The following TMEM163 variants were observed in gnomAD, a reference collection of about 807,000 sequenced individuals.
TMEM163 encodes the protein transmembrane protein 163.
Under a neutral mutation model 29.3 loss-of-function variants are expected in TMEM163, and 17 were observed. The ratio of observed to expected loss-of-function variants is 0.58; its 90% CI spans 0.40 to 0.87. The LOEUF (loss-of-function observed/expected upper bound fraction) is 0.87. Ranked by LOEUF, TMEM163 falls within the 40% of genes least tolerant of loss-of-function variation. The probability of loss-of-function intolerance (pLI) is 0.00; values close to 1 mark genes in which losing one functional copy is unlikely to be tolerated. For synonymous variants in TMEM163, 157 were observed against 160.6 expected (o/e 0.98, Z 0.17); for missense variants, 303 against 381.5 (o/e 0.79, Z 1.71).
intron 5 of TMEM163, among the ~76,000 whole-genome samples, chr2:134,472,277 C>T (rs769662624): frequency 2.6e-5 from 4 of 152,052 alleles, no homozygotes; most frequent in South Asian, 2.1e-4. Flanking sequence ...AATCTCCTTA[C>T]TATAGAAAGG....
In TMEM163 at chr2:134,669,834, TG is replaced by T. The variant is rs528590582; in HGVS notation, c.322+43365del. On this transcript the variant is annotated intron_variant, in intron 2 of 7. Transcript: ENST00000281924. ...AGGCCACCATGCTAGAGGGATGAGG[TG>T]GAAAGACTACGAGAAGAGAGATGGA... 1.6e-4 allele frequency among the ~76,000 whole-genome samples: 25 copies of T among 152,084 alleles called. No homozygotes were observed. The South Asian group carries it at 5.2e-3, about 32-fold the overall frequency.
In TMEM163 at chr2:134,656,082, C is replaced by T. The variant is rs1039916616; in HGVS notation, c.322+57118G>A. On this transcript the variant is annotated intron_variant, in intron 2 of 7. Coordinates refer to ENST00000281924, the MANE Select transcript of TMEM163 (RefSeq NM_030923.5). ...GAGCTGTGGTGGGCTCCACCCAGTT[C>T]GAGCTTCCTGGCTGCTTTGTTTACC... is the stretch of plus-strand genomic sequence containing the variant. 6.9e-5 allele frequency among the ~76,000 whole-genome samples: 10 copies of T among 143,956 alleles called. 2 individuals are homozygous for T. The highest frequency in any genetic ancestry group is 1.4e-4 in the Admixed American group (2 of 14,706). The allele number at this position is 143,956 out of a possible 152,430, so 94.4% of individuals were successfully genotyped here. A position where few individuals can be genotyped will look rare whatever the true frequency, so the allele number is the denominator to read the frequency against.
chr2:134,548,712 A>G (rs1680842764), intron 4 of TMEM163, among the ~76,000 whole-genome samples: 1 of 152,216 alleles, frequency 6.6e-6, no homozygotes, highest in Non-Finnish European at 1.5e-5. Flanking sequence ...CTGCATATAC[A>G]TAATGAGATA....
rs199574199 is a variant in TMEM163, at chr2:134,519,723, GA to G, written c.459-16727del. On this transcript the variant is annotated intron_variant, in intron 4 of 7. Coordinates refer to ENST00000281924, the MANE Select transcript of TMEM163 (RefSeq NM_030923.5). ...TGAGATTCCGTGTCAAAAATTTAAA[GA>G]AAAAAAAAATACAAAAATCCACCAG... Among the ~76,000 whole-genome samples, 81 of 144,898 alleles carry G rather than the reference GA, an allele frequency of 5.6e-4. 1 individual carries two copies. In the South Asian group the frequency reaches 0.011, roughly 19 times the overall value.
At chr2:134,624,199 A>G (rs1405176671) in intron 2 of TMEM163, among the ~76,000 whole-genome samples, 1 of 152,248 alleles carries the variant, frequency 6.6e-6, no homozygotes, top group Non-Finnish European at 1.5e-5. Context: ...GTGTTCTGCT[A>G]ATATGAAGGA....
chr2:134,531,261 A>T (rs931831417), intron 4 of TMEM163, among the ~76,000 whole-genome samples: 1 of 152,172 alleles, frequency 6.6e-6, no homozygotes, highest in African/African-American at 2.4e-5. Context: ...CAAACTCAAG[A>T]TATTTTTCTC....
At chr2:134,671,846 C>A (rs1192233316) in intron 2 of TMEM163, among the ~76,000 whole-genome samples, 1 of 152,216 alleles carries the variant, frequency 6.6e-6, no homozygotes, top group African/African-American at 2.4e-5. Context: ...AACTTCTCAA[C>A]CTCTCTGGAA....
At chr2:134,639,879 T>C (rs1683188991) in intron 2 of TMEM163, among the ~76,000 whole-genome samples, 1 of 152,238 alleles carries the variant, frequency 6.6e-6, no homozygotes, top group East Asian at 1.9e-4. Flanking sequence ...GTCAGGTCAG[T>C]AATAGCATTA....
chr2:134,656,392 T>C (rs182483495), intron 2 of TMEM163, among the ~76,000 whole-genome samples: 2,532 of 151,324 alleles, frequency 0.017, 105 homozygotes, highest in East Asian at 0.13. Context: ...GGCAATGCCT[T>C]GCCCTGCTTC....
chr2:134,542,363 C>T (rs2106503910), intron 4 of TMEM163, among the ~76,000 whole-genome samples: 1 of 152,268 alleles, frequency 6.6e-6, no homozygotes, highest in African/African-American at 2.4e-5. Context: ...AGGTAAGCAG[C>T]AGAGTGGAGC....
At chr2:134,567,575 C>T (rs1333711747) in intron 2 of TMEM163, among the ~76,000 whole-genome samples, 1 of 152,074 alleles carries the variant, frequency 6.6e-6, no homozygotes, top group Non-Finnish European at 1.5e-5. Flanking sequence ...CCTGTAATCC[C>T]AGCTACTCAG....
intron 2 of TMEM163, among the ~76,000 whole-genome samples, chr2:134,702,476 C>G (rs1684724275): frequency 6.6e-6 from 1 of 152,000 alleles, no homozygotes; most frequent in South Asian, 2.1e-4. Context: ...GAAACCGTGT[C>G]TCTACAAAAA....
At chr2:134,678,513 C>A (rs1684166646) in intron 2 of TMEM163, among the ~76,000 whole-genome samples, 1 of 152,194 alleles carries the variant, frequency 6.6e-6, no homozygotes, top group South Asian at 2.1e-4. Flanking sequence ...CATATAAATC[C>A]TCCCACCAGG....
At chr2:134,660,945 C>T (rs143065081) in intron 2 of TMEM163, among the ~76,000 whole-genome samples, 45 of 152,320 alleles carry the variant, frequency 3.0e-4, no homozygotes, top group African/African-American at 1.1e-3. Flanking sequence ...AAGACTTGAT[C>T]TCCAATGAGA....
At chr2:134,656,544 G>T (rs569291007) in intron 2 of TMEM163, among the ~76,000 whole-genome samples, 1 of 152,320 alleles carries the variant, frequency 6.6e-6, no homozygotes, top group Non-Finnish European at 1.5e-5. Context: ...GACCGGAGCT[G>T]TTCCTATTCG....
rs143517617 is a variant in TMEM163, at chr2:134,561,606, C to T, written c.323-9515G>A. 3.5e-3 allele frequency among the ~76,000 whole-genome samples: 540 copies of T among 152,296 alleles called. 3 individuals carry two copies. Among genetic ancestry groups the T allele is most frequent in the African/African-American group, 0.013 (520 of 41,566 alleles). ...CCTCGCGATCCGCCTGACTTGGCCT[C>T]CCAAAGTGAGCAGCAAGGTTCTTGC... On this transcript the variant is annotated intron_variant, in intron 2 of 7. Transcript: ENST00000281924.
At position 134,664,592 on chromosome 2, in the gene TMEM163, C is replaced by T. The variant is rs183549461; in HGVS notation, c.322+48608G>A. Among the ~76,000 whole-genome samples the T allele has an allele frequency of 2.6e-5, 4 of 152,254 alleles. No individual in the cohort carries two copies. The East Asian group carries it at 7.7e-4, about 29-fold the overall frequency. On this transcript the variant is annotated intron_variant, in intron 2 of 7. Transcript: ENST00000281924. ...TTATCTGCTAAACCCGAAGTATAAT[C>T]TCAGGGGTCTTTATGAGAGAGAGGC...
intron 2 of TMEM163, among the ~76,000 whole-genome samples, chr2:134,707,552 C>T (rs1366443046): frequency 6.6e-6 from 1 of 152,136 alleles, no homozygotes. Flanking sequence ...ATGTCAGCTG[C>T]ACGGTTAAGG....
At chr2:134,645,343 T>C (rs1230968309) in intron 2 of TMEM163, among the ~76,000 whole-genome samples, 4 of 152,334 alleles carry the variant, frequency 2.6e-5, no homozygotes, top group South Asian at 4.1e-4. Flanking sequence ...GTCCTTTTCA[T>C]TGATGTATTG....
Sources: gnomAD v4.1 joint callset for allele counts (sites outside exome capture counted in the v4.1 genomes callset) on GRCh38, gnomAD v4.1.1 for gene constraint, MANE v1.5 for transcripts, NCBI Gene and HGNC (gene_info 2026-07-23, HGNC 2026-07-21) for gene names.